The following THRAP3 variants were observed in gnomAD, a reference collection of about 807,000 sequenced individuals.
THRAP3 encodes the protein thyroid hormone receptor associated protein 3.
Under a neutral mutation model 101.0 loss-of-function variants are expected in THRAP3, and 16 were observed. The ratio of observed to expected loss-of-function variants is 0.16; its 90% CI spans 0.11 to 0.24. The LOEUF (loss-of-function observed/expected upper bound fraction) is 0.24, where lower values mean the gene tolerates loss of function less well. Among genes scored for constraint, THRAP3 ranks in the 10% least tolerant of loss-of-function variants. The probability of loss-of-function intolerance (pLI) is 1.00; values close to 1 mark genes in which losing one functional copy is unlikely to be tolerated. For synonymous variants in THRAP3, 407 were observed against 422.6 expected (o/e 0.96, Z 0.45); for missense variants, 989 against 1,202.7 (o/e 0.82, Z 2.63).
chr1:36,208,393 A>C, the THRAP3 span, among the ~76,000 whole-genome samples: 2 of 152,172 alleles, frequency 1.3e-5, no homozygotes, highest in East Asian at 3.9e-4. Flanking sequence ...ATGTGAAGTC[A>C]GATCTGGCAT....
At chr1:36,248,042 G>A (rs1429893862) in intron 1 of THRAP3, among the ~76,000 whole-genome samples, 1 of 151,554 alleles carries the variant, frequency 6.6e-6, no homozygotes, top group African/African-American at 2.4e-5. Flanking sequence ...ACCATGCATG[G>A]CTAATTGTTG....
intron 1 of THRAP3, among the ~76,000 whole-genome samples, chr1:36,242,522 C>T (rs535361069): frequency 2.1e-4 from 31 of 150,314 alleles, no homozygotes; most frequent in South Asian, 6.3e-4. Flanking sequence ...ACGCGATCTC[C>T]GCTCACTGCA....
At chr1:36,276,848 C>T (rs1293153971) in intron 2 of THRAP3, among the ~76,000 whole-genome samples, 1 of 151,918 alleles carries the variant, frequency 6.6e-6, no homozygotes, top group Non-Finnish European at 1.5e-5. Context: ...TAGAGGGAGA[C>T]TCCATCTCAA....
chr1:36,296,696 C>G lies in THRAP3; in HGVS notation c.2229C>G (p.Ser743=). 1.2e-6 allele frequency: 2 copies of G among 1,610,370 alleles called. No individual in the cohort carries two copies. The highest frequency in any genetic ancestry group is 2.7e-5 in the African/African-American group (2 of 74,694). ...KRGKSRESVD[S]RDSSHSRERS... ...GTAAATCGAGAGAATCAGTGGATTC[C>G]CGAGACTCCAGTCACTCAAGGGAAA... Residue 743 remains serine (S), a synonymous_variant, in exon 9 of 12, where the codon TCC becomes TCG. Transcript: ENST00000354618.
Position 36,303,112 on chromosome 1 carries a change from A to ATT in THRAP3, c.2647-662_2647-661dup, listed in dbSNP as rs397936228. ...AGGCGCACACCCCCATGCCTGGCTAATTTTTTTTTTTTTTTTTTTTTTTGT... is the reference window on the plus strand; with the variant it reads ...AGGCGCACACCCCCATGCCTGGCTAATTTTTTTTTTTTTTTTTTTTTTTTTGT... On this transcript the variant is annotated intron_variant, in intron 11 of 11. Transcript: ENST00000354618. 3.6e-3 allele frequency among the ~76,000 whole-genome samples: 450 copies of ATT among 125,138 alleles called. 3 individuals are homozygous for ATT. The highest frequency in any genetic ancestry group is 5.0e-3 in the Non-Finnish European group (298 of 59,812). The allele number at this position is 125,138 out of a possible 152,430, so 82.1% of individuals were successfully genotyped here. A position where few individuals can be genotyped will look rare whatever the true frequency, so the allele number is the denominator to read the frequency against.
chr1:36,255,161 GTC>G (rs1645356739), intron 1 of THRAP3, among the ~76,000 whole-genome samples: 1 of 152,110 alleles, frequency 6.6e-6, no homozygotes, highest in Non-Finnish European at 1.5e-5. Flanking sequence ...ACTTGACACT[GTC>G]TTCTTTTTTT....
At chr1:36,261,458 G>A (rs540323986) in intron 2 of THRAP3, among the ~76,000 whole-genome samples, 58 of 152,168 alleles carry the variant, frequency 3.8e-4, no homozygotes, top group African/African-American at 1.2e-3. Context: ...GCGTGAACCC[G>A]GGAGGCGGAG....
rs546276115 is a variant in THRAP3, at chr1:36,304,070, G to A, written c.*53G>A. The A allele has an allele frequency of 1.2e-5, 18 of 1,453,162 alleles. No homozygotes were observed. The highest frequency in any genetic ancestry group is 1.6e-5 in the Non-Finnish European group (18 of 1,101,416). 90.0% of individuals were successfully genotyped at this position (1,453,162 alleles called of 1,614,324 possible). On this transcript the variant is annotated 3_prime_UTR_variant, in exon 12 of 12. Coordinates refer to ENST00000354618, the MANE Select transcript of THRAP3 (RefSeq NM_005119.4). Reference sequence around the variant, plus strand: ...AGGGGAGAGAGGCGCTGGGAAGATGGCTGGTGAGGAGCTTAACAGAGGAAC... The same window carrying A: ...AGGGGAGAGAGGCGCTGGGAAGATGACTGGTGAGGAGCTTAACAGAGGAAC...
At chr1:36,292,437 G>GT (rs2124619560) in intron 6 of THRAP3, among the ~76,000 whole-genome samples, 161 bp from the exon 7 acceptor site, 1 of 151,142 alleles carries the variant, frequency 6.6e-6, no homozygotes, top group Non-Finnish European at 1.5e-5. Context: ...ATGCCCACTA[G>GT]TTTTTTGTAT....
In THRAP3 at chr1:36,270,804, C is replaced by T. The variant is rs192241918; in HGVS notation, c.-32+11320C>T. Among the ~76,000 whole-genome samples the T allele has an allele frequency of 2.4e-4, 37 of 151,980 alleles. No homozygotes were observed. The East Asian group carries it at 6.2e-3, about 26-fold the overall frequency. ...GTTGGTCAGGCCGGTCTCCGACTCC[C>T]GACCTCAGGTGATCCGCCTGCCTCG... On this transcript the variant is annotated intron_variant, in intron 2 of 11. Transcript: ENST00000354618.
chr1:36,258,135 G>A (rs1001772856), intron 1 of THRAP3, among the ~76,000 whole-genome samples: 10 of 152,180 alleles, frequency 6.6e-5, no homozygotes, highest in East Asian at 3.8e-4. Context: ...CACCACGCCC[G>A]GCTTGGAATA....
intron 1 of THRAP3, among the ~76,000 whole-genome samples, chr1:36,251,304 A>G (rs975385529): frequency 1.3e-5 from 2 of 152,196 alleles, no homozygotes; most frequent in Non-Finnish European, 2.9e-5. Flanking sequence ...AGTTCTTGAC[A>G]GTTCAGTCTG....
Position 36,296,371 on chromosome 1 carries a change from G to A in THRAP3, c.2116-212G>A, listed in dbSNP as rs546348209. Among the ~76,000 whole-genome samples the A allele has an allele frequency of 8.5e-5, 13 of 152,294 alleles. No homozygotes were observed. In the South Asian group the frequency reaches 2.7e-3, roughly 32 times the overall value. On this transcript the variant is annotated intron_variant, in intron 8 of 11. Transcript: ENST00000354618. The stretch of plus-strand genomic sequence containing the variant: ...GCATTTTCAGAAGGCCAGCATCATT[G>A]TTTTGGAGGACTGGCGTGGGTTCTG...
At chr1:36,219,079 A>G in the THRAP3 span, among the ~76,000 whole-genome samples, 1 of 151,752 alleles carries the variant, frequency 6.6e-6, no homozygotes, top group Non-Finnish European at 1.5e-5. Flanking sequence ...GAATAAATGA[A>G]TTTGATAAGA....
At chr1:36,245,083 G>A (rs1052272072) in intron 1 of THRAP3, among the ~76,000 whole-genome samples, 11 of 151,840 alleles carry the variant, frequency 7.2e-5, no homozygotes, top group African/African-American at 2.7e-4. Flanking sequence ...AGTTGTAAGT[G>A]GCCTTTGCCA....
rs374655957 is a variant in THRAP3, at chr1:36,303,297, A to G, written c.2647-499A>G. 4.6e-5 allele frequency among the ~76,000 whole-genome samples: 7 copies of G among 151,800 alleles called. No individual in the cohort carries two copies. The East Asian group carries it at 7.7e-4, about 17-fold the overall frequency. On this transcript the variant is annotated intron_variant, in intron 11 of 11. Coordinates refer to ENST00000354618, the MANE Select transcript of THRAP3 (RefSeq NM_005119.4). ...TCCTTTCTTAGCTGCCTAACAACCC[A>G]GTTCACATGGAGTTGCACGTTTTGG...
At chr1:36,277,915 A>G (rs1452727178) in intron 2 of THRAP3, among the ~76,000 whole-genome samples, 1 of 151,872 alleles carries the variant, frequency 6.6e-6, no homozygotes, top group Non-Finnish European at 1.5e-5. Flanking sequence ...TCCTGCTGCC[A>G]CACCCAGCTA....
intron 11 of THRAP3, among the ~76,000 whole-genome samples, chr1:36,302,684 G>C (rs1043633122): frequency 2.5e-4 from 38 of 151,982 alleles, no homozygotes; most frequent in Non-Finnish European, 2.8e-4. Flanking sequence ...AGCTTTTGTG[G>C]GGGGGTGGTT....
intron 2 of THRAP3, among the ~76,000 whole-genome samples, chr1:36,270,911 G>C (rs567091699): frequency 6.6e-6 from 1 of 152,174 alleles, no homozygotes; most frequent in Non-Finnish European, 1.5e-5. Context: ...AAAGCAGGTA[G>C]ATGTTTGATT....
Sources: gnomAD v4.1 joint callset for allele counts (sites outside exome capture counted in the v4.1 genomes callset) on GRCh38, gnomAD v4.1.1 for gene constraint, MANE v1.5 for transcripts, NCBI Gene and HGNC (gene_info 2026-07-23, HGNC 2026-07-21) for gene names.